The following GPR35 variants were observed in gnomAD, a reference collection of about 807,000 sequenced individuals.
The protein encoded by GPR35 is G protein-coupled receptor 35.
For synonymous variants in GPR35, 207 were observed against 198.4 expected (o/e 1.04, Z -0.36); for missense variants, 372 against 422.5 (o/e 0.88, Z 1.05).
chr2:240,630,725 T>C lies in GPR35; in HGVS notation c.773T>C (p.Leu258Pro). 2.5e-6 allele frequency: 4 copies of C among 1,613,566 alleles called. No homozygotes were observed. The highest frequency in any genetic ancestry group is 3.4e-6 in the Non-Finnish European group (4 of 1,180,030). ...CTCCTGGAGACGATCCGTCGCGCCCTGTACATAACCAGCAAGCTCTCAGAT... is the reference window on the plus strand; with the variant it reads ...CTCCTGGAGACGATCCGTCGCGCCCCGTACATAACCAGCAAGCTCTCAGAT... ...CALLETIRRA[L>P]YITSKLSDAN... The change falls in exon 2 of 2, where the codon CTG becomes CCG. Residue 258 changes from leucine to proline, a missense_variant. Leu to Pro is a moderately conservative substitution (Grantham distance 98). Coordinates refer to ENST00000407714, the MANE Select transcript of GPR35 (RefSeq NM_005301.5).
chr2:240,623,569 G>C (rs549048127), upstream of GPR35, among the ~76,000 whole-genome samples: 19 of 152,224 alleles, frequency 1.2e-4, no homozygotes, highest in Admixed American at 1.2e-3. Flanking sequence ...AGCTAGGAGA[G>C]AAACAGCGCT....
At position 240,630,035 on chromosome 2, in the gene GPR35, G is replaced by T. The variant is rs1213184410; in HGVS notation, c.83G>T (p.Gly28Val). 1 of 1,612,718 alleles carries T rather than the reference G, an allele frequency of 6.2e-7. No individual in the cohort carries two copies. The highest frequency in any genetic ancestry group is 8.5e-7 in the Non-Finnish European group (1 of 1,179,914). ...AIKLGFYAYLGVLLVLGLLLN... is the reference protein window; with the variant it reads ...AIKLGFYAYLVVLLVLGLLLN... ...AAGCTGGGCTTCTACGCCTACTTGG[G>T]CGTCCTGCTGGTGCTAGGCCTGCTG... Residue 28 changes from glycine (G) to valine (V), a missense_variant, in exon 2 of 2, where the codon GGC (glycine) becomes GTC (valine). Coordinates refer to ENST00000407714, the MANE Select transcript of GPR35 (RefSeq NM_005301.5).
chr2:240,620,248 G>A (rs2043278320), intron 5 of GPR35, among the ~76,000 whole-genome samples: 1 of 152,152 alleles, frequency 6.6e-6, no homozygotes, highest in Non-Finnish European at 1.5e-5. Flanking sequence ...CCAGGGGCTG[G>A]GGTCACCTGC....
At chr2:240,619,171 C>T (rs977037712) in intron 5 of GPR35, 19 of 547,538 alleles carry the variant, frequency 3.5e-5, no homozygotes, top group African/African-American at 1.3e-4. Flanking sequence ...TATCCGAGGA[C>T]GTCTTTCTAT....
chr2:240,625,959 A>G (rs74727681), intron 1 of GPR35, among the ~76,000 whole-genome samples: 938 of 6,402 alleles, frequency 0.15, 55 homozygotes, highest in African/African-American at 0.18. Context: ...TTCTCAGAGC[A>G]GGGTGAGGCT....
chr2:240,629,428 C>T, intron 1 of GPR35: 1 of 155,024 alleles, frequency 6.5e-6, no homozygotes. Context: ...AGGGCTGATG[C>T]AGGTGTGGAG....
intron 2 of GPR35, among the ~76,000 whole-genome samples, chr2:240,612,284 G>A (rs4676413): frequency 0.023 from 3,528 of 151,890 alleles, 272 homozygotes; most frequent in East Asian, 0.2. Context: ...AAAATTAGCC[G>A]GGTGTGGTGG....
chr2:240,623,212 C>G (rs2043319058), upstream of GPR35, among the ~76,000 whole-genome samples: 1 of 152,200 alleles, frequency 6.6e-6, no homozygotes, highest in Non-Finnish European at 1.5e-5. Flanking sequence ...CAGATAGAGT[C>G]CCACAAGCAC....
intron 2 of GPR35, among the ~76,000 whole-genome samples, chr2:240,613,318 A>C (rs1218064169): frequency 3.9e-5 from 6 of 152,126 alleles, no homozygotes; most frequent in Admixed American, 2.6e-4. Context: ...ATGAGGGTGG[A>C]GAGGGGAGTG....
rs764559206 is a variant in GPR35, at chr2:240,616,931, G to T, written c.-452-159G>T. On this transcript the variant is annotated intron_variant, in intron 3 of 5. Coordinates refer to the GPR35 transcript ENST00000319838. Reference sequence around the variant, plus strand: ...AGGGCAGGAACCAGGGAAGATTTGGGGTCCTCAGGCCAGCTGCCCATTGGG... The same window carrying T: ...AGGGCAGGAACCAGGGAAGATTTGGTGTCCTCAGGCCAGCTGCCCATTGGG... 4 of 770,576 alleles carry T rather than the reference G, an allele frequency of 5.2e-6. No homozygotes were observed. The East Asian group carries it at 9.7e-5, about 19-fold the overall frequency. 47.7% of individuals were successfully genotyped at this position (770,576 alleles called of 1,614,324 possible). A position where few individuals can be genotyped will look rare whatever the true frequency, so the allele number is the denominator to read the frequency against.
At chr2:240,625,415 G>A (rs908438079), upstream of GPR35, 31 of 985,214 alleles carry the variant, frequency 3.1e-5, no homozygotes, top group African/African-American at 2.6e-4. Flanking sequence ...TCAGCCGCCC[G>A]CCCCCCCACC....
chr2:240,620,185 C>T (rs1186258272), intron 5 of GPR35, among the ~76,000 whole-genome samples: 2 of 151,988 alleles, frequency 1.3e-5, no homozygotes, highest in Non-Finnish European at 2.9e-5. Context: ...AGCAGTGGGT[C>T]CCCAGGAGCA....
At chr2:240,611,565 G>A (rs1286103627) in intron 2 of GPR35, among the ~76,000 whole-genome samples, 1 of 152,178 alleles carries the variant, frequency 6.6e-6, no homozygotes, top group African/African-American at 2.4e-5. Flanking sequence ...GGAATGGGGG[G>A]AGAAAGATTC....
upstream of GPR35, among the ~76,000 whole-genome samples, chr2:240,623,008 G>A (rs567935546): frequency 3.3e-4 from 50 of 152,278 alleles, no homozygotes; most frequent in South Asian, 2.1e-3. Context: ...TGGGGACTCC[G>A]GGTGTCCTCG....
chr2:240,630,615 CA>C lies in GPR35; in HGVS notation c.665del (p.Asn222ThrfsTer16). The C allele has an allele frequency of 6.2e-7, 1 of 1,612,962 alleles. No homozygotes were observed. Among genetic ancestry groups the C allele is most frequent in the Non-Finnish European group, 8.5e-7 (1 of 1,180,008 alleles). On this transcript the variant is annotated frameshift_variant, in exon 2 of 2. Transcript: ENST00000407714. LOFTEE classifies it low-confidence loss of function (END_TRUNC). ...TRKAARMVWANLLVFVVCFLP... is the reference protein window; with the variant it reads ...TRKAARMVWAXLLVFVVCFLP... ...GCAAGGCTGCCCGCATGGTCTGGGC[CA>C]ACCTCCTGGTGTTCGTGGTCTGCTT...
chr2:240,626,453 CAGTG>C (rs971228409), intron 1 of GPR35, among the ~76,000 whole-genome samples: 2 of 112,854 alleles, frequency 1.8e-5, no homozygotes, highest in Admixed American at 1.8e-4. Flanking sequence ...TGGGGAGTCT[CAGTG>C]AGGTGAGGCT....
upstream of GPR35, among the ~76,000 whole-genome samples, chr2:240,624,682 G>A (rs1320772043): frequency 2.6e-5 from 4 of 152,162 alleles, no homozygotes; most frequent in Admixed American, 6.5e-5. Flanking sequence ...TGGGGCCCAC[G>A]TTGAGGAGAC....
intron 1 of GPR35, 69 bp from the exon 2 acceptor site, chr2:240,629,880 A>G (rs2125489303): frequency 4.4e-6 from 6 of 1,350,376 alleles, no homozygotes; most frequent in Non-Finnish European, 6.2e-6. Context: ...AGAGGTGGGC[A>G]GAGTGGGGGC....
At chr2:240,621,286 C>G (rs561100974), upstream of GPR35, among the ~76,000 whole-genome samples, 3 of 152,124 alleles carry the variant, frequency 2.0e-5, no homozygotes, top group South Asian at 6.2e-4. Context: ...ATGGAGTCTC[C>G]CTCTATCGCC....
Sources: allele counts gnomAD v4.1 joint callset (sites outside exome capture counted in the v4.1 genomes callset), GRCh38; gene constraint gnomAD v4.1.1; transcripts MANE v1.5; gene names NCBI Gene and HGNC (gene_info 2026-07-23, HGNC 2026-07-21).